Variants in CELF1 observed in about 807,000 individuals in gnomAD.
CELF1 encodes 50 kDa nuclear polyadenylated RNA-binding protein.
A neutral mutation model predicts 61.8 loss-of-function variants in CELF1; 10 were observed. The ratio of observed to expected loss-of-function variants is 0.16; its 90% CI spans 0.10 to 0.27. The LOEUF (loss-of-function observed/expected upper bound fraction) is 0.27. Among genes scored for constraint, CELF1 ranks in the 10% least tolerant of loss-of-function variants. The pLI, the probability that CELF1 is intolerant of heterozygous loss-of-function variation, is 1.00. For synonymous variants in CELF1, 236 were observed against 225.1 expected (o/e 1.05, Z -0.43); for missense variants, 380 against 639.1 (o/e 0.59, Z 4.37).
At chr11:47,480,097 T>G (rs1198169925) in intron 9 of CELF1, among the ~76,000 whole-genome samples, 1 of 151,778 alleles carries the variant, frequency 6.6e-6, no homozygotes, top group African/African-American at 2.4e-5. Context: ...CACTTTTTTT[T>G]TTTTTTTTTT....
At chr11:47,493,075 T>C (rs2092197686) in intron 3 of CELF1, among the ~76,000 whole-genome samples, 1 of 152,200 alleles carries the variant, frequency 6.6e-6, no homozygotes, top group Non-Finnish European at 1.5e-5. Flanking sequence ...GATTACAGTT[T>C]ACCCAAAAGT....
At position 47,485,807 on chromosome 11, in the gene CELF1, G is replaced by A. The variant is rs570547348; in HGVS notation, c.391+943C>T. Reference sequence around the variant, plus strand: ...ATGTTGGCCGGGTGATCCGCCCGCCGTGCGCTCCCAAAGTGCTGGGATTAC... The same window carrying A: ...ATGTTGGCCGGGTGATCCGCCCGCCATGCGCTCCCAAAGTGCTGGGATTAC... On this transcript the variant is annotated intron_variant, in intron 6 of 14. Transcript: ENST00000687097. Among the ~76,000 whole-genome samples, 11 of 149,880 alleles carry A rather than the reference G, an allele frequency of 7.3e-5. 1 individual carries two copies. The highest frequency in any genetic ancestry group is 8.9e-5 in the Non-Finnish European group (6 of 67,246).
At chr11:47,544,675 T>G (rs1449494032) in intron 1 of CELF1, among the ~76,000 whole-genome samples, 1 of 152,230 alleles carries the variant, frequency 6.6e-6, no homozygotes, top group African/African-American at 2.4e-5. Context: ...AATTCTAGTA[T>G]ACGTGTTCTG....
In CELF1 at chr11:47,471,871, T is replaced by C. The variant is rs996864362; in HGVS notation, c.*359A>G. 1 of 187,356 alleles carries C rather than the reference T, an allele frequency of 5.3e-6. No homozygotes were observed. The highest frequency in any genetic ancestry group is 1.1e-5 in the Non-Finnish European group (1 of 87,330). The allele number at this position is 187,356 out of a possible 1,614,324, so 11.6% of individuals were successfully genotyped here. ...CTGATCATCGTCTGTGTTAAATGTT[T>C]CCCTGTCCCCCTTCCCCAGGGTGGT... On this transcript the variant is annotated 3_prime_UTR_variant, in exon 15 of 15. Coordinates refer to ENST00000687097, the MANE Select transcript of CELF1 (RefSeq NM_001376376.1).
At chr11:47,477,528 AG>A in intron 10 of CELF1, 103 bp from the exon 11 acceptor site, 1 of 1,241,472 alleles carries the variant, frequency 8.1e-7, no homozygotes, top group East Asian at 2.3e-5. Context: ...CCTGACAAAG[AG>A]GAACTGTTCT....
intron 1 of CELF1, among the ~76,000 whole-genome samples, chr11:47,505,836 G>C (rs2153575196): frequency 6.7e-6 from 1 of 149,524 alleles, no homozygotes; most frequent in Middle Eastern, 3.5e-3. Context: ...TCAGGAGGCT[G>C]AGGCACGAGA....
Position 47,467,227 on chromosome 11 carries a change from A to G in CELF1, c.*5003T>C, listed in dbSNP as rs376211958. On this transcript the variant is annotated 3_prime_UTR_variant, in exon 15 of 15. Coordinates refer to ENST00000687097, the MANE Select transcript of CELF1 (RefSeq NM_001376376.1). The stretch of plus-strand genomic sequence containing the variant: ...CCTCCCCCTGTAACCTCTTCCCTCC[A>G]CAGATCCACCCTGTGCTCCTCTCCT... 6.6e-6 allele frequency: 1 copy of G among 151,864 alleles called. No homozygotes were observed. The highest frequency in any genetic ancestry group is 1.9e-4 in the East Asian group (1 of 5,162). The allele number at this position is 151,864 out of a possible 1,614,324, so 9.4% of individuals were successfully genotyped here. A position where few individuals can be genotyped will look rare whatever the true frequency, so the allele number is the denominator to read the frequency against.
rs552510848 is a variant in CELF1 at position 47,484,747 on chromosome 11, C to T, written c.392-224G>A. ...AGGCTGGAGTGTAATGGCGCGATCT[C>T]GGCTCACCGCAAGCTCCGCCTCCCG... On this transcript the variant is annotated intron_variant, in intron 6 of 14. Transcript: ENST00000687097. 7.2e-5 allele frequency among the ~76,000 whole-genome samples: 11 copies of T among 152,292 alleles called. No homozygotes were observed. The East Asian group carries it at 1.7e-3, about 24-fold the overall frequency.
intron 1 of CELF1, chr11:47,524,738 G>C (rs1368898369): frequency 6.6e-6 from 1 of 152,208 alleles, no homozygotes; most frequent in African/African-American, 2.4e-5. Flanking sequence ...AGCTTCAGCA[G>C]AACAGATTCT....
intron 1 of CELF1, among the ~76,000 whole-genome samples, chr11:47,548,632 G>A (rs946148274): frequency 1.6e-4 from 24 of 152,000 alleles, no homozygotes; most frequent in African/African-American, 5.6e-4. Context: ...TTGGGAGGTC[G>A]AGGCGGGCGG....
At chr11:47,514,972 A>G (rs1394599892) in intron 1 of CELF1, 1 of 152,162 alleles carries the variant, frequency 6.6e-6, no homozygotes, top group African/African-American at 2.4e-5. Context: ...ACAGCTTCCT[A>G]CTGTGGTGAG....
chr11:47,524,347 G>T (rs1333607108), intron 1 of CELF1, among the ~76,000 whole-genome samples: 5 of 151,914 alleles, frequency 3.3e-5, no homozygotes. Flanking sequence ...GTTTCTAAGG[G>T]AACCCAAAGA....
At chr11:47,510,661 A>AT (rs2095060873) in intron 1 of CELF1, among the ~76,000 whole-genome samples, 1 of 151,444 alleles carries the variant, frequency 6.6e-6, no homozygotes, top group African/African-American at 2.4e-5. Flanking sequence ...TAATTTTTGT[A>AT]TTTTTTGTAG....
intron 1 of CELF1, among the ~76,000 whole-genome samples, chr11:47,525,679 C>T (rs558186058): frequency 9.9e-5 from 15 of 152,140 alleles, no homozygotes; most frequent in Non-Finnish European, 2.9e-5. Context: ...CAGTGACCTC[C>T]AATCTAATTC....
intron 1 of CELF1, chr11:47,513,931 C>CTT (rs5791763): frequency 0.58 from 85,830 of 147,340 alleles, 25,186 homozygotes; most frequent in Admixed American, 0.65. Flanking sequence ...CAAAATTTTC[C>CTT]TTTTTTTTTT....
At chr11:47,548,768 A>C (rs2153751563) in intron 1 of CELF1, among the ~76,000 whole-genome samples, 1 of 151,338 alleles carries the variant, frequency 6.6e-6, no homozygotes, top group African/African-American at 2.4e-5. Flanking sequence ...CAGGAGGCCA[A>C]GGCAGGAGAA....
Position 47,489,935 on chromosome 11 carries a change from GTTTTT to G in CELF1, c.72-916_72-912del, listed in dbSNP as rs561900704. The stretch of plus-strand genomic sequence containing the variant: ...GTTTCCACTCAGAACATACCATCTT[GTTTTT>G]TTTTTTTTTTTTTTTGAGACGGAAT... On this transcript the variant is annotated intron_variant, in intron 3 of 14. Coordinates refer to ENST00000687097, the MANE Select transcript of CELF1 (RefSeq NM_001376376.1). Among the ~76,000 whole-genome samples the G allele has an allele frequency of 3.1e-4, 15 of 48,236 alleles. No homozygotes were observed. In the East Asian group the frequency reaches 6.0e-3, roughly 19 times the overall value. 31.6% of individuals were successfully genotyped at this position (48,236 alleles called of 152,430 possible). A position where few individuals can be genotyped will look rare whatever the true frequency, so the allele number is the denominator to read the frequency against.
chr11:47,504,914 A>AT (rs1565844814), intron 1 of CELF1, among the ~76,000 whole-genome samples: 1 of 150,838 alleles, frequency 6.6e-6, no homozygotes, highest in Non-Finnish European at 1.5e-5. Flanking sequence ...AAAAAAAAAA[A>AT]AAAAAAATTT....
intron 2 of CELF1, among the ~76,000 whole-genome samples, chr11:47,562,707 G>A (rs982126466): frequency 2.7e-5 from 4 of 148,910 alleles, no homozygotes; most frequent in Admixed American, 2.7e-4. Flanking sequence ...TTTTTGTTTT[G>A]TTTTGTTTTT....
Sources: allele counts gnomAD v4.1 joint callset (sites outside exome capture counted in the v4.1 genomes callset), GRCh38; gene constraint gnomAD v4.1.1; transcripts MANE v1.5; gene names NCBI Gene and HGNC (gene_info 2026-07-23, HGNC 2026-07-21).